Variants in EIF2AK2 observed in about 807,000 individuals in gnomAD.
EIF2AK2 encodes interferon-induced, double-stranded RNA-activated protein kinase.
A neutral mutation model predicts 70.5 loss-of-function variants in EIF2AK2; 40 were observed. The ratio of observed to expected loss-of-function variants is 0.57; its 90% CI spans 0.44 to 0.74. The LOEUF (loss-of-function observed/expected upper bound fraction) is 0.74. Ranked by LOEUF, EIF2AK2 falls within the 30% of genes least tolerant of loss-of-function variation. EIF2AK2 has a pLI of 0.00. For synonymous variants in EIF2AK2, 198 were observed against 220.9 expected, an observed-to-expected ratio of 0.90 and a Z score of 0.92; for missense variants, 555 against 644.3, an observed-to-expected ratio of 0.86 and a Z score of 1.50.
Position 37,122,637 on chromosome 2 carries a change from C to T in EIF2AK2, c.936G>A (p.Leu312=). 1 of 1,614,076 alleles carries T rather than the reference C, an allele frequency of 6.2e-7. No homozygotes were observed. The highest frequency in any genetic ancestry group is 8.5e-7 in the Non-Finnish European group (1 of 1,180,016). ...CAATATTTACATGATCAAGTTTTGCCAATGCTTTTACTTCACGCTCCGCCT... is the reference window on the plus strand; with the variant it reads ...CAATATTTACATGATCAAGTTTTGCTAATGCTTTTACTTCACGCTCCGCCT... The part of the protein sequence containing the change: ...NEKAEREVKA[L]AKLDHVNIVH... Residue 312 remains leucine (L), a synonymous_variant, in exon 12 of 17, where the codon TTG becomes TTA. Transcript: ENST00000233057.
In EIF2AK2 at chr2:37,120,057, C is replaced by T. The variant is rs778283176; in HGVS notation, c.1150G>A (p.Glu384Lys). 54 of 1,561,364 alleles carry T rather than the reference C, an allele frequency of 3.5e-5. No individual in the cohort carries two copies. Among genetic ancestry groups the T allele is most frequent in the Non-Finnish European group, 4.3e-5 (50 of 1,150,400 alleles). Reference protein sequence around the residue: ...LEQWIEKRRGEKLDKVLALEL... With the variant: ...LEQWIEKRRGKKLDKVLALEL... ...AAAGCCAAAACTTTGTCTAGTTTCT[C>T]GCCTCTTCTTTTTTCAATCCATTGT... is the stretch of plus-strand genomic sequence containing the variant. The change falls in exon 13 of 17, where the codon GAG becomes AAG. Residue 384 changes from glutamate to lysine, a missense_variant. Coordinates refer to ENST00000233057, the MANE Select transcript of EIF2AK2 (RefSeq NM_001135651.3).
intron 12 of EIF2AK2, among the ~76,000 whole-genome samples, chr2:37,120,398 C>T (rs1453675127): frequency 6.7e-6 from 1 of 148,802 alleles, no homozygotes; most frequent in African/African-American, 2.5e-5. Flanking sequence ...CCAGCTACTC[C>T]GGGGAGGCTG....
chr2:37,154,421 C>G (rs1440717605), intron 1 of EIF2AK2, among the ~76,000 whole-genome samples: 2 of 152,142 alleles, frequency 1.3e-5, no homozygotes, highest in African/African-American at 2.4e-5. Context: ...TCGAGGTTAC[C>G]AATGGCTTCC....
intron 14 of EIF2AK2, among the ~76,000 whole-genome samples, chr2:37,110,096 C>T (rs1381378935): frequency 1.3e-5 from 2 of 150,066 alleles, no homozygotes; most frequent in East Asian, 1.9e-4. Flanking sequence ...TTTTTTGAGA[C>T]GGAGTCCCGC....
At chr2:37,131,601 A>AT (rs1042660553) in intron 10 of EIF2AK2, among the ~76,000 whole-genome samples, 1 of 152,100 alleles carries the variant, frequency 6.6e-6, no homozygotes, top group African/African-American at 2.4e-5. Flanking sequence ...TTCAACACTG[A>AT]TTTTGGACCC....
chr2:37,143,027 C>G (rs1470993719), intron 4 of EIF2AK2, among the ~76,000 whole-genome samples: 1 of 151,928 alleles, frequency 6.6e-6, no homozygotes, highest in Non-Finnish European at 1.5e-5. Flanking sequence ...AGGAGTTAAA[C>G]ACCAGCCTGG....
chr2:37,136,359 A>G (rs1675126311), intron 9 of EIF2AK2, among the ~76,000 whole-genome samples: 1 of 151,842 alleles, frequency 6.6e-6, no homozygotes, highest in African/African-American at 2.4e-5. Flanking sequence ...AGTCATGTCC[A>G]CTCTTCCTTT....
intron 2 of EIF2AK2, 53 bp from the exon 3 acceptor site, chr2:37,147,875 TGA>T (rs1269887277): frequency 3.8e-6 from 5 of 1,311,816 alleles, no homozygotes; most frequent in Non-Finnish European, 5.4e-6. Context: ...ATATTTAATC[TGA>T]GTTTCCCAAT....
chr2:37,126,967 GAAAAAA>G lies in EIF2AK2; in HGVS notation c.786-562_786-557del, dbSNP rs57802509. Among the ~76,000 whole-genome samples, 511 of 52,112 alleles carry G rather than the reference GAAAAAA, an allele frequency of 9.8e-3. 1 individual carries two copies. The highest frequency in any genetic ancestry group is 0.011 in the African/African-American group (138 of 13,080). 34.2% of individuals were successfully genotyped at this position (52,112 alleles called of 152,430 possible). A position where few individuals can be genotyped will look rare whatever the true frequency, so the allele number is the denominator to read the frequency against. Reference sequence around the variant, plus strand: ...AATGAAACTCCATCTCAAAAAAACAGAAAAAAAAAAAAAAAAAAAAAAAAAAAAAAA... The same window carrying G: ...AATGAAACTCCATCTCAAAAAAACAGAAAAAAAAAAAAAAAAAAAAAAAAA... On this transcript the variant is annotated intron_variant, in intron 10 of 16. Transcript: ENST00000233057.
At chr2:37,152,375 A>G (rs1191988129) in intron 1 of EIF2AK2, among the ~76,000 whole-genome samples, 8 of 152,084 alleles carry the variant, frequency 5.3e-5, no homozygotes, top group Admixed American at 5.2e-4. Flanking sequence ...TCTGCCTCCC[A>G]GGTTCAAGCA....
intron 4 of EIF2AK2, among the ~76,000 whole-genome samples, chr2:37,145,774 T>C (rs1348221141): frequency 1.6e-5 from 1 of 61,338 alleles, no homozygotes; most frequent in Non-Finnish European, 3.5e-5. Context: ...TTTTTTTTTT[T>C]TTTTTTTGAG....
intron 1 of EIF2AK2, among the ~76,000 whole-genome samples, chr2:37,152,812 T>G (rs1271156968): frequency 6.6e-6 from 1 of 152,240 alleles, no homozygotes; most frequent in East Asian, 1.9e-4. Context: ...GAACGAACTT[T>G]AAACTCAAAA....
intron 1 of EIF2AK2, among the ~76,000 whole-genome samples, chr2:37,151,022 C>T (rs1675723051): frequency 6.6e-6 from 1 of 152,126 alleles, no homozygotes; most frequent in East Asian, 1.9e-4. Context: ...GGGAGATCTT[C>T]ATGACTTTGG....
intron 1 of EIF2AK2, among the ~76,000 whole-genome samples, chr2:37,154,700 A>C (rs1675861512): frequency 6.6e-6 from 1 of 152,018 alleles, no homozygotes; most frequent in African/African-American, 2.4e-5. Flanking sequence ...AGCTGGGATT[A>C]CAGGCGCCCA....
intron 10 of EIF2AK2, among the ~76,000 whole-genome samples, chr2:37,130,845 A>G (rs1405506630): frequency 6.6e-6 from 1 of 152,170 alleles, no homozygotes; most frequent in African/African-American, 2.4e-5. Context: ...GCCCCTCTCT[A>G]GAACACTGTA....
chr2:37,107,753 C>T (rs950038825), intron 15 of EIF2AK2, among the ~76,000 whole-genome samples: 1 of 152,100 alleles, frequency 6.6e-6, no homozygotes, highest in African/African-American at 2.4e-5. Context: ...TTACAATCTC[C>T]CTTCATGCAT....
In EIF2AK2 at chr2:37,139,711, T is replaced by A. The variant is rs1274964616; in HGVS notation, c.436A>T (p.Thr146Ser). The A allele has an allele frequency of 9.3e-6, 15 of 1,613,846 alleles. No homozygotes were observed. The highest frequency in any genetic ancestry group is 1.3e-5 in the African/African-American group (1 of 75,044). Residue 146 changes from threonine to serine, a missense_variant, in exon 6 of 17, where the codon ACA (threonine) becomes TCA (serine). By Grantham distance (58) the Thr-to-Ser change is moderately conservative (BLOSUM62 1). This residue lies in a region of EIF2AK2 where 208 missense variants were observed against 191.8 expected (regional missense o/e 1.08). Transcript: ENST00000233057. ...TTTGCTTCCTGTTTAGTAGAACCTG[T>A]ACCAATACTATATTCTTTCTGTCCC... ...KMGQKEYSIG[T>S]GSTKQEAKQL...
Position 37,110,266 on chromosome 2 carries a change from TG to T in EIF2AK2, c.1378-972del, listed in dbSNP as rs200274756. On this transcript the variant is annotated intron_variant, in intron 14 of 16. Coordinates refer to ENST00000233057, the MANE Select transcript of EIF2AK2 (RefSeq NM_001135651.3). ...TTGTAGTTTTGTATTTCTGTATTTT[TG>T]TTTTTTTAGTGGAGATGGAGTTTCA... 3.1e-3 allele frequency among the ~76,000 whole-genome samples: 455 copies of T among 147,056 alleles called. 1 individual carries two copies. Among genetic ancestry groups the T allele is most frequent in the Middle Eastern group, 3.5e-3 (1 of 284 alleles).
intron 5 of EIF2AK2, among the ~76,000 whole-genome samples, chr2:37,140,619 T>C (rs1675297237): frequency 6.7e-6 from 1 of 148,694 alleles, no homozygotes; most frequent in African/African-American, 2.5e-5. Context: ...CGCAAACAGA[T>C]TTCTTCTTTC....
Sources: gnomAD v4.1 joint callset for allele counts (sites outside exome capture counted in the v4.1 genomes callset) on GRCh38, gnomAD v4.1.1 for gene constraint, gnomAD v4.1.1 regional missense constraint, MANE v1.5 for transcripts, NCBI Gene and HGNC (gene_info 2026-07-23, HGNC 2026-07-21) for gene names.